Variants in TMEM123 observed in about 807,000 individuals in gnomAD.
TMEM123 encodes porimin.
In TMEM123, 16 loss-of-function variants were observed where a neutral mutation model predicts 19.7. That is an observed-to-expected ratio of 0.81 (90% CI 0.55 to 1.23). TMEM123 has a LOEUF of 1.23. Ranked by LOEUF, TMEM123 falls within the 50% of genes most tolerant of loss-of-function variation. The probability of loss-of-function intolerance (pLI) is 0.00; values close to 1 mark genes in which losing one functional copy is unlikely to be tolerated. For synonymous variants in TMEM123, 118 were observed against 99.4 expected (o/e 1.19, Z -1.12); for missense variants, 313 against 257.8 (o/e 1.21, Z -1.47).
chr11:102,420,285 T>C (rs569742080), intron 2 of TMEM123, among the ~76,000 whole-genome samples: 3 of 152,296 alleles, frequency 2.0e-5, no homozygotes, highest in East Asian at 1.9e-4. Context: ...ACTATTCTTA[T>C]CAGTTTGTAT....
chr11:102,428,312 A>AT (rs967110230), intron 2 of TMEM123, among the ~76,000 whole-genome samples: 4 of 151,922 alleles, frequency 2.6e-5, no homozygotes, highest in Admixed American at 1.3e-4. Context: ...ATTTTATTTT[A>AT]TTTTTTTGAG....
Position 102,452,592 on chromosome 11 carries a change from G to A in TMEM123, c.32C>T (p.Ala11Val), listed in dbSNP as rs771858009. Reference sequence around the variant, plus strand: ...CACCTGCAGCGTCCCCAGGAGCAGCGCGGCCCAAGCACCTCGCGCGCCGAG... The same window carrying A: ...CACCTGCAGCGTCCCCAGGAGCAGCACGGCCCAAGCACCTCGCGCGCCGAG... MGLGARGAWA[A>V]LLLGTLQVLA... Residue 11 changes from alanine to valine, a missense_variant, in exon 1 of 5, where the codon GCG (alanine) becomes GTG (valine). Coordinates refer to ENST00000398136, the MANE Select transcript of TMEM123 (RefSeq NM_052932.3). 3.1e-5 allele frequency: 49 copies of A among 1,568,458 alleles called. No homozygotes were observed. Among genetic ancestry groups the A allele is most frequent in the East Asian group, 1.9e-4 (8 of 42,334 alleles).
At chr11:102,418,669 C>T (rs1050500711) in intron 2 of TMEM123, among the ~76,000 whole-genome samples, 2 of 152,026 alleles carry the variant, frequency 1.3e-5, no homozygotes, top group Non-Finnish European at 2.9e-5. Context: ...GGGTATATAC[C>T]CAAAATATAA....
At chr11:102,444,027 AT>A (rs1421068115) in intron 2 of TMEM123, among the ~76,000 whole-genome samples, 2 of 152,204 alleles carry the variant, frequency 1.3e-5, no homozygotes, top group Admixed American at 6.5e-5. Context: ...AATGGCAATC[AT>A]TTAAAAAGTC....
At chr11:102,427,656 G>A (rs992684628) in intron 2 of TMEM123, among the ~76,000 whole-genome samples, 2 of 151,594 alleles carry the variant, frequency 1.3e-5, no homozygotes, top group Admixed American at 1.3e-4. Context: ...GGCCAATACG[G>A]TGAAACCCTG....
rs539545033 is a variant in TMEM123, at chr11:102,439,634, G to A, written c.157+9178C>T. ...AGCTGAAAATTCTAAAAATCAGAGC[G>A]CCTCTTCTCCTCCAAAGGAATGCAG... On this transcript the variant is annotated intron_variant, in intron 2 of 4. Transcript: ENST00000398136. 1.5e-3 allele frequency among the ~76,000 whole-genome samples: 221 copies of A among 152,306 alleles called. 2 individuals carry two copies. Among genetic ancestry groups the A allele is most frequent in the African/African-American group, 5.1e-3 (214 of 41,564 alleles).
chr11:102,429,047 T>C (rs1467839439), intron 2 of TMEM123, among the ~76,000 whole-genome samples: 3 of 152,184 alleles, frequency 2.0e-5, no homozygotes, highest in Non-Finnish European at 4.4e-5. Flanking sequence ...TCAATCAGCC[T>C]CTCGCAGGAG....
intron 2 of TMEM123, among the ~76,000 whole-genome samples, chr11:102,447,016 TAC>T (rs1162158814): frequency 6.6e-6 from 1 of 152,180 alleles, no homozygotes; most frequent in Admixed American, 6.5e-5. Flanking sequence ...CCTATAAAAA[TAC>T]ACAAACTTAA....
chr11:102,404,750 C>T (rs960565960), intron 2 of TMEM123, among the ~76,000 whole-genome samples: 1 of 152,056 alleles, frequency 6.6e-6, no homozygotes, highest in African/African-American at 2.4e-5. Context: ...CAGGCATGCA[C>T]CACCAAGCCC....
At position 102,398,761 on chromosome 11, in the gene TMEM123, T is replaced by C; in HGVS notation, c.*106A>G. The C allele has an allele frequency of 8.7e-7, 1 of 1,154,794 alleles. No homozygotes were observed. The allele number at this position is 1,154,794 out of a possible 1,614,324, so 71.5% of individuals were successfully genotyped here. On this transcript the variant is annotated 3_prime_UTR_variant, in exon 5 of 5. Transcript: ENST00000398136. ...CACTGTACATTATATGCATGGCCTG[T>C]TTATACTATTTTCAAAAAGAGAATA...
At chr11:102,440,186 G>A (rs1428910481) in intron 2 of TMEM123, among the ~76,000 whole-genome samples, 1 of 152,118 alleles carries the variant, frequency 6.6e-6, no homozygotes, top group Non-Finnish European at 1.5e-5. Context: ...TCAAATTCAG[G>A]AAATACAGAG....
At chr11:102,442,109 T>C (rs1857833080) in intron 2 of TMEM123, among the ~76,000 whole-genome samples, 1 of 152,216 alleles carries the variant, frequency 6.6e-6, no homozygotes, top group East Asian at 1.9e-4. Context: ...CATAGCCGAA[T>C]TCTACCAGAG....
chr11:102,410,233 CGAT>C, intron 2 of TMEM123, among the ~76,000 whole-genome samples: 1 of 148,918 alleles, frequency 6.7e-6, no homozygotes, highest in East Asian at 1.9e-4. Context: ...GTCTTAAGGA[CGAT>C]GAGAACTAAC....
chr11:102,449,102 A>G, intron 1 of TMEM123: 1 of 444,842 alleles, frequency 2.2e-6, no homozygotes, highest in Non-Finnish European at 4.2e-6. Flanking sequence ...ACAAACACTT[A>G]CATAGTACTT....
At chr11:102,406,643 A>G (rs1951957512) in intron 2 of TMEM123, among the ~76,000 whole-genome samples, 1 of 152,072 alleles carries the variant, frequency 6.6e-6, no homozygotes, top group Admixed American at 6.5e-5. Flanking sequence ...TGGGAGGCTG[A>G]GGTGGGTAGA....
intron 2 of TMEM123, among the ~76,000 whole-genome samples, chr11:102,419,328 A>G (rs1480096231): frequency 1.3e-5 from 2 of 152,314 alleles, no homozygotes; most frequent in East Asian, 3.9e-4. Flanking sequence ...ACTTTTAGCT[A>G]TCAACATCAA....
chr11:102,421,118 T>C (rs1383948644), intron 2 of TMEM123, among the ~76,000 whole-genome samples: 1 of 152,036 alleles, frequency 6.6e-6, no homozygotes, highest in African/African-American at 2.4e-5. Flanking sequence ...ATAAACAAGC[T>C]CAGAATTACT....
chr11:102,443,224 A>G (rs1342906239), intron 2 of TMEM123, among the ~76,000 whole-genome samples: 4 of 152,262 alleles, frequency 2.6e-5, no homozygotes, highest in South Asian at 2.1e-4. Context: ...ACAAAAAAAT[A>G]GCCCACATTG....
intron 2 of TMEM123, among the ~76,000 whole-genome samples, chr11:102,428,194 A>G (rs2135856104): frequency 6.6e-6 from 1 of 152,336 alleles, no homozygotes; most frequent in Non-Finnish European, 1.5e-5. Flanking sequence ...TTCTTAGTTT[A>G]GGATGTTGAT....
Sources: allele counts gnomAD v4.1 joint callset (sites outside exome capture counted in the v4.1 genomes callset), GRCh38; gene constraint gnomAD v4.1.1; transcripts MANE v1.5; gene names NCBI Gene and HGNC (gene_info 2026-07-23, HGNC 2026-07-21).